TPST2: variants seen among roughly 807,000 people sequenced by gnomAD.
The protein encoded by TPST2 is tyrosylprotein sulfotransferase 2.
Under a neutral mutation model 27.8 loss-of-function variants are expected in TPST2, and 16 were observed. The ratio of observed to expected loss-of-function variants is 0.58; its 90% CI spans 0.39 to 0.88. TPST2 has a LOEUF of 0.88. TPST2 is among the 40% of genes least tolerant of loss of function. TPST2 has a pLI of 0.00. For missense variants in TPST2, 464 were observed against 543.1 expected, an observed-to-expected ratio of 0.85 and a Z score of 1.45; for synonymous variants, 229 against 231.7, an observed-to-expected ratio of 0.99 and a Z score of 0.10.
intron 2 of TPST2, among the ~76,000 whole-genome samples, chr22:26,542,748 G>C (rs548089718): frequency 2.6e-5 from 4 of 152,326 alleles, no homozygotes; most frequent in African/African-American, 9.6e-5. Context: ...AGCCAGCGCA[G>C]AGCCACAGGC....
intron 6 of TPST2, among the ~76,000 whole-genome samples, chr22:26,526,875 T>G (rs1188958654): frequency 1.3e-5 from 2 of 152,068 alleles, no homozygotes; most frequent in Non-Finnish European, 2.9e-5. Context: ...GCCAGGAGTT[T>G]GAGACCAGCC....
At position 26,566,213 on chromosome 22, in the gene TPST2, T is replaced by TA. The variant is rs1300474767; in HGVS notation, c.-160-21539dup. ...AGGCAGATTACCTGAGGTCAGGAGT[T>TA]AGAGACCAGCCTGGACAACGTGGTG... On this transcript the variant is annotated intron_variant, in intron 1 of 6. Transcript: ENST00000338754. Among the ~76,000 whole-genome samples, 7 of 151,776 alleles carry TA rather than the reference T, an allele frequency of 4.6e-5. No homozygotes were observed. The East Asian group carries it at 9.7e-4, about 21-fold the overall frequency.
chr22:26,543,128 T>C (rs1026427413), intron 2 of TPST2: 5 of 152,070 alleles, frequency 3.3e-5, no homozygotes, highest in African/African-American at 9.7e-5. Context: ...GCTGTGAAAA[T>C]ATGAGAAGCA....
intron 4 of TPST2, 47 bp downstream of exon 4, chr22:26,536,241 C>T (rs1925455406): frequency 1.9e-6 from 3 of 1,603,534 alleles, no homozygotes; most frequent in Non-Finnish European, 1.7e-6. Context: ...CTGCAGAAGC[C>T]CCATATCCCC....
chr22:26,536,140 T>C (rs1925447546), intron 4 of TPST2, 148 bp downstream of exon 4: 3 of 1,084,368 alleles, frequency 2.8e-6, no homozygotes, highest in Admixed American at 2.0e-5. Flanking sequence ...CAAGCAATCA[T>C]GTAGTTCACT....
chr22:26,568,933 G>C (rs931209807), intron 1 of TPST2, among the ~76,000 whole-genome samples: 5 of 138,240 alleles, frequency 3.6e-5, no homozygotes, highest in African/African-American at 1.1e-4. Context: ...GCCCGATCTC[G>C]GCTCACTGCA....
chr22:26,563,940 C>G (rs555012770), intron 1 of TPST2, among the ~76,000 whole-genome samples: 2 of 152,310 alleles, frequency 1.3e-5, no homozygotes, highest in South Asian at 2.1e-4. Context: ...AGGTAGCTAC[C>G]TGTAGGGGGT....
chr22:26,550,780 G>A, intron 1 of TPST2: 1 of 474,962 alleles, frequency 2.1e-6, no homozygotes, highest in Non-Finnish European at 2.8e-6. Context: ...GGGAGACGCA[G>A]GTCTCTTGGG....
At chr22:26,546,661 C>G (rs1037103476) in intron 1 of TPST2, among the ~76,000 whole-genome samples, 3 of 152,356 alleles carry the variant, frequency 2.0e-5, no homozygotes, top group Admixed American at 6.5e-5. Context: ...TTGAACTCAC[C>G]TTATGCAACA....
intron 5 of TPST2, 81 bp downstream of exon 5, chr22:26,532,614 G>A: frequency 1.4e-6 from 2 of 1,413,216 alleles, no homozygotes; most frequent in Non-Finnish European, 2.0e-6. Flanking sequence ...GAGTGGAGAA[G>A]TGACACATCT....
At chr22:26,561,109 A>G (rs1385888161) in intron 1 of TPST2, 1 of 1,609,514 alleles carries the variant, frequency 6.2e-7, no homozygotes, top group African/African-American at 1.3e-5. Context: ...GAAGATGAAG[A>G]GGATGAGGAG....
intron 1 of TPST2, among the ~76,000 whole-genome samples, chr22:26,566,174 C>T (rs1428641296): frequency 2.0e-5 from 3 of 151,952 alleles, no homozygotes; most frequent in Admixed American, 1.3e-4. Context: ...CCCAGCACGT[C>T]GGGAGGCTGA....
At chr22:26,560,921 G>A in intron 1 of TPST2, 3 of 1,608,230 alleles carry the variant, frequency 1.9e-6, no homozygotes, top group Non-Finnish European at 2.6e-6. Flanking sequence ...TGGGAGAGAT[G>A]TGGAATAACA....
intron 1 of TPST2, among the ~76,000 whole-genome samples, chr22:26,570,045 C>T (rs8142735): frequency 5.2e-5 from 5 of 96,948 alleles, no homozygotes; most frequent in African/African-American, 1.1e-4. Flanking sequence ...GAAAGAAAGA[C>T]AGAAAGAAAG....
At position 26,541,097 on chromosome 22, in the gene TPST2, G is replaced by GA; in HGVS notation, c.533dup (p.Leu179ProfsTer25). The GA allele has an allele frequency of 6.2e-7, 1 of 1,607,472 alleles. No individual in the cohort carries two copies. The highest frequency in any genetic ancestry group is 1.3e-5 in the African/African-American group (1 of 74,950). On this transcript the variant is annotated frameshift_variant, in exon 3 of 7. Transcript: ENST00000338754. LOFTEE classifies it high-confidence loss of function. This position sits in a 1 kb window ranked among gnomAD's most constrained non-coding sequence, Gnocchi z 5.9. ...CCCGGCCGTCCCGCACCATCAGCAG[G>GA]AACTTGGAGTTGGGGAACAGGCGCG...
chr22:26,527,875 A>G (rs1033139023), intron 6 of TPST2, among the ~76,000 whole-genome samples: 1 of 152,242 alleles, frequency 6.6e-6, no homozygotes. Flanking sequence ...AGACTGGCAG[A>G]CAGCATTCTG....
At chr22:26,585,776 C>G (rs147279020) in intron 1 of TPST2, among the ~76,000 whole-genome samples, 1 of 152,146 alleles carries the variant, frequency 6.6e-6, no homozygotes, top group East Asian at 1.9e-4. Flanking sequence ...TCAGGCCAGG[C>G]GTGGTGGCTC....
Position 26,540,955 on chromosome 22 carries a change from T to C in TPST2, c.676A>G (p.Met226Val). 5.0e-6 allele frequency: 8 copies of C among 1,614,194 alleles called. No homozygotes were observed. The highest frequency in any genetic ancestry group is 6.8e-6 in the Non-Finnish European group (8 of 1,180,018). The change falls in exon 3 of 7, where the codon ATG (methionine) becomes GTG (valine). Residue 226 changes from methionine (M) to valine (V), a missense_variant. Physicochemically the swap from Met to Val is conservative, Grantham distance 21. Transcript: ENST00000338754. ...KAIEVMYAQC[M>V]EVGKEKCLPV... ...AGGCACTTCTCCTTGCCTACCTCCA[T>C]GCACTGGGCGTACATCACCTCGATG...
At chr22:26,579,776 GA>G (rs530207848) in intron 1 of TPST2, among the ~76,000 whole-genome samples, 38 of 152,080 alleles carry the variant, frequency 2.5e-4, no homozygotes, top group Middle Eastern at 3.4e-3. Flanking sequence ...GACAGAGAGA[GA>G]AAAAAACAGA....
Sources: allele counts gnomAD v4.1 joint callset (sites outside exome capture counted in the v4.1 genomes callset), GRCh38; gene constraint gnomAD v4.1.1; non-coding constraint Gnocchi (gnomAD v3.1); transcripts MANE v1.5; gene names NCBI Gene and HGNC (gene_info 2026-07-23, HGNC 2026-07-21).